CDH11: variants seen among roughly 807,000 people sequenced by gnomAD.
CDH11 encodes cadherin 11, also known as cadherin-11.
Under a neutral mutation model 67.8 loss-of-function variants are expected in CDH11, and 11 were observed. The observed-to-expected ratio is 0.16, with a 90% CI of 0.10 to 0.27. The LOEUF is 0.27. CDH11 is among the 10% of genes least tolerant of loss of function. The pLI, the probability that CDH11 is intolerant of heterozygous loss-of-function variation, is 1.00. For synonymous variants in CDH11, 419 were observed against 400.0 expected (o/e 1.05, Z -0.57); for missense variants, 847 against 1,031.2 (o/e 0.82, Z 2.45).
chr16:64,959,212 G>A (rs565126958), intron 11 of CDH11, among the ~76,000 whole-genome samples: 1 of 152,332 alleles, frequency 6.6e-6, no homozygotes, highest in African/African-American at 2.4e-5. Context: ...ATACTTGCCT[G>A]TGTGCATGTG....
intron 2 of CDH11, among the ~76,000 whole-genome samples, chr16:65,034,597 T>G (rs909298512): frequency 1.3e-5 from 2 of 152,054 alleles, no homozygotes; most frequent in Non-Finnish European, 2.9e-5. Context: ...TCTCCTTAGG[T>G]TGTTGGAAGG....
intron 2 of CDH11, among the ~76,000 whole-genome samples, chr16:65,027,857 T>A (rs537427749): frequency 7.9e-5 from 12 of 152,272 alleles, no homozygotes; most frequent in African/African-American, 2.6e-4. Context: ...ACCTCAGCAA[T>A]CTAATCTAGC....
intron 1 of CDH11, among the ~76,000 whole-genome samples, chr16:65,112,756 G>A (rs886354674): frequency 1.3e-5 from 2 of 152,186 alleles, no homozygotes; most frequent in Non-Finnish European, 2.9e-5. Context: ...AAGTAGGACA[G>A]AGCTTAAGGC....
At chr16:65,013,170 T>G (rs565434584) in intron 2 of CDH11, among the ~76,000 whole-genome samples, 1 of 152,252 alleles carries the variant, frequency 6.6e-6, no homozygotes, top group South Asian at 2.1e-4. Context: ...CTGGCAGGGA[T>G]GCTCTGTATA....
Position 64,963,938 on chromosome 16 carries a change from C to T in CDH11, c.1642+7641G>A, listed in dbSNP as rs554230566. On this transcript the variant is annotated intron_variant, in intron 11 of 12. Transcript: ENST00000268603. ...AAAAAATTGTTGCCAGTAGGCCTGC[C>T]TTGTAAGAAATGTTAGAATAAGTTC... 4.2e-4 allele frequency among the ~76,000 whole-genome samples: 64 copies of T among 152,134 alleles called. No homozygotes were observed. In the South Asian group the frequency reaches 8.9e-3, roughly 21 times the overall value.
intron 11 of CDH11, among the ~76,000 whole-genome samples, chr16:64,961,726 T>C (rs1010876814): frequency 6.6e-6 from 1 of 152,100 alleles, no homozygotes; most frequent in Non-Finnish European, 1.5e-5. Flanking sequence ...AATAAGAGGG[T>C]TGAAAATTAA....
intron 11 of CDH11, among the ~76,000 whole-genome samples, chr16:64,964,450 T>C (rs1360057012): frequency 6.6e-6 from 1 of 152,174 alleles, no homozygotes. Context: ...TTAGCATGAA[T>C]GGAGTGTTCA....
chr16:64,950,639 T>A, intron 12 of CDH11, 128 bp downstream of exon 12: 5 of 694,988 alleles, frequency 7.2e-6, no homozygotes, highest in Non-Finnish European at 8.1e-6. Context: ...ACCCCACTTC[T>A]TTTCTTGAAC....
rs531908062 is a variant in CDH11 at position 65,121,176 on chromosome 16, C to T, written c.-298+704G>A. On this transcript the variant is annotated intron_variant, in intron 1 of 12. Transcript: ENST00000268603. This position sits in a 1 kb window ranked among gnomAD's most constrained non-coding sequence, Gnocchi z 4.1. ...GGCCGCTCATGGACCTACTCCTGCGCTGGTGGGAGCTTACAAACGGGCGCC... is the reference window on the plus strand; with the variant it reads ...GGCCGCTCATGGACCTACTCCTGCGTTGGTGGGAGCTTACAAACGGGCGCC... Among the ~76,000 whole-genome samples, 769 of 152,354 alleles carry T rather than the reference C, an allele frequency of 5.0e-3. No homozygotes were observed. Among genetic ancestry groups the T allele is most frequent in the Non-Finnish European group, 7.6e-3 (519 of 68,034 alleles).
intron 1 of CDH11, among the ~76,000 whole-genome samples, chr16:65,098,227 T>TAA (rs2074932608): frequency 6.6e-6 from 1 of 152,146 alleles, no homozygotes; most frequent in Admixed American, 6.5e-5. Context: ...GAACCTCATA[T>TAA]TGCTACCACA....
intron 1 of CDH11, among the ~76,000 whole-genome samples, chr16:65,110,140 A>G (rs2075131610): frequency 6.6e-6 from 1 of 152,126 alleles, no homozygotes; most frequent in South Asian, 2.1e-4. Context: ...CAAAATGTTG[A>G]GATTATAGGC....
chr16:65,042,661 A>G (rs1438583508), intron 2 of CDH11, among the ~76,000 whole-genome samples: 4 of 152,140 alleles, frequency 2.6e-5, no homozygotes, highest in Admixed American at 2.6e-4. Flanking sequence ...ACCGTAGAGA[A>G]TTGCAAGAAA....
intron 2 of CDH11, among the ~76,000 whole-genome samples, chr16:65,035,921 T>C (rs1323745030): frequency 2.0e-5 from 3 of 152,110 alleles, no homozygotes; most frequent in Non-Finnish European, 1.5e-5. Flanking sequence ...AGTTTCCACG[T>C]GAGAGTGGAC....
At chr16:64,993,848 C>T (rs1001638343) in intron 4 of CDH11, among the ~76,000 whole-genome samples, 4 of 152,136 alleles carry the variant, frequency 2.6e-5, no homozygotes, top group Non-Finnish European at 4.4e-5. Context: ...CAGTAATTAT[C>T]GAATTTCTCT....
At chr16:64,974,539 C>T (rs979848580) in intron 8 of CDH11, among the ~76,000 whole-genome samples, 5 of 152,080 alleles carry the variant, frequency 3.3e-5, no homozygotes, top group South Asian at 2.1e-4. Flanking sequence ...GAAAGAGGGA[C>T]CCCCCACTGA....
At chr16:65,040,372 G>C (rs1341984250) in intron 2 of CDH11, among the ~76,000 whole-genome samples, 1 of 152,180 alleles carries the variant, frequency 6.6e-6, no homozygotes, top group Non-Finnish European at 1.5e-5. Flanking sequence ...ATACTATGCA[G>C]CCATAAAAAA....
intron 3 of CDH11, 43 bp from the exon 4 acceptor site, chr16:64,998,899 G>A: frequency 6.4e-7 from 1 of 1,553,138 alleles, no homozygotes; most frequent in Non-Finnish European, 8.9e-7. Flanking sequence ...CATGAGGAAA[G>A]CAGTGGGGAA....
chr16:65,099,268 G>A lies in CDH11; in HGVS notation c.-298+22612C>T, dbSNP rs116453441. 3.9e-3 allele frequency among the ~76,000 whole-genome samples: 598 copies of A among 152,254 alleles called. 6 individuals are homozygous for A. Among genetic ancestry groups the A allele is most frequent in the African/African-American group, 0.014 (574 of 41,544 alleles). On this transcript the variant is annotated intron_variant, in intron 1 of 12. Transcript: ENST00000268603. Reference sequence around the variant, plus strand: ...TGGAATATTTAAAAAAACAGGGAAGGTCTAGGGAAGCCAAATATTAATTCA... The same window carrying A: ...TGGAATATTTAAAAAAACAGGGAAGATCTAGGGAAGCCAAATATTAATTCA...
intron 2 of CDH11, among the ~76,000 whole-genome samples, chr16:65,039,896 G>A (rs74984957): frequency 0.27 from 40,554 of 152,094 alleles, 6,188 homozygotes; most frequent in Middle Eastern, 0.36. Flanking sequence ...AAAAGTGGGC[G>A]AAGGATATGA....
Sources: gnomAD v4.1 joint callset for allele counts (sites outside exome capture counted in the v4.1 genomes callset) on GRCh38, gnomAD v4.1.1 for gene constraint, Gnocchi (gnomAD v3.1) non-coding constraint, MANE v1.5 for transcripts, NCBI Gene and HGNC (gene_info 2026-07-23, HGNC 2026-07-21) for gene names.